Variants in SPON1 observed in about 807,000 individuals in gnomAD.
The protein encoded by SPON1 is spondin 1.
A neutral mutation model predicts 111.7 loss-of-function variants in SPON1; 52 were observed. The observed-to-expected ratio is 0.47, with a 90% CI of 0.37 to 0.59. The LOEUF (loss-of-function observed/expected upper bound fraction) is 0.59, where lower values mean the gene tolerates loss of function less well. Among genes scored for constraint, SPON1 ranks in the 20% least tolerant of loss-of-function variants. SPON1 has a pLI of 0.00. For missense variants in SPON1, 957 were observed against 1,068.5 expected, an observed-to-expected ratio of 0.90 and a Z score of 1.46; for synonymous variants, 410 against 395.8, an observed-to-expected ratio of 1.04 and a Z score of -0.43.
At chr11:14,172,328 TG>T in intron 6 of SPON1, among the ~76,000 whole-genome samples, 1 of 152,038 alleles carries the variant, frequency 6.6e-6, no homozygotes, top group Admixed American at 6.6e-5. Context: ...TGCCTTTTTT[TG>T]TTTTCCATTT....
intron 6 of SPON1, among the ~76,000 whole-genome samples, chr11:14,219,720 A>T (rs1848660916): frequency 6.6e-6 from 1 of 152,158 alleles, no homozygotes; most frequent in Non-Finnish European, 1.5e-5. Flanking sequence ...AGATGACATG[A>T]TGTGTTTATC....
chr11:14,147,365 C>T (rs1271437775), intron 6 of SPON1, among the ~76,000 whole-genome samples: 2 of 151,706 alleles, frequency 1.3e-5, no homozygotes, highest in Non-Finnish European at 2.9e-5. Context: ...AACAAAGCTT[C>T]TTCCAAGCAC....
chr11:14,222,085 C>T (rs1243173894), intron 6 of SPON1, among the ~76,000 whole-genome samples: 1 of 152,216 alleles, frequency 6.6e-6, no homozygotes, highest in African/African-American at 2.4e-5. Flanking sequence ...AACTCAATGA[C>T]AGGTGATACA....
intron 6 of SPON1, among the ~76,000 whole-genome samples, chr11:14,227,155 G>A (rs906230997): frequency 4.6e-5 from 7 of 152,022 alleles, no homozygotes; most frequent in East Asian, 3.9e-4. Context: ...GGCAATATTC[G>A]TTTCATTCAT....
intron 6 of SPON1, among the ~76,000 whole-genome samples, chr11:14,160,735 A>ATT (rs1554930985): frequency 0.033 from 223 of 6,684 alleles, 40 homozygotes; most frequent in African/African-American, 0.14. Flanking sequence ...ATTTATATAT[A>ATT]TTTAATTTAT....
At chr11:14,179,382 G>A (rs1194278499) in intron 6 of SPON1, among the ~76,000 whole-genome samples, 2 of 152,128 alleles carry the variant, frequency 1.3e-5, no homozygotes, top group Non-Finnish European at 2.9e-5. Flanking sequence ...ACATTCTTGG[G>A]ATTTTACAGA....
chr11:14,240,862 T>C (rs1442952490), intron 6 of SPON1, among the ~76,000 whole-genome samples: 3 of 152,164 alleles, frequency 2.0e-5, no homozygotes, highest in Non-Finnish European at 4.4e-5. Context: ...TTTTTCTAAG[T>C]CTTGACCTGG....
intron 6 of SPON1, among the ~76,000 whole-genome samples, chr11:14,148,488 C>A (rs1847750169): frequency 6.6e-6 from 1 of 151,954 alleles, no homozygotes; most frequent in Non-Finnish European, 1.5e-5. Context: ...AAAAAATAAG[C>A]CAACCAACCA....
intron 5 of SPON1, among the ~76,000 whole-genome samples, chr11:14,081,639 GTCTGTTTTGT>G (rs538305513): frequency 2.6e-3 from 396 of 152,088 alleles, no homozygotes; most frequent in Non-Finnish European, 4.3e-3. Context: ...TCTGTTCATT[GTCTGTTTTGT>G]TCTTGTGCAT....
intron 5 of SPON1, among the ~76,000 whole-genome samples, chr11:14,107,823 A>G (rs1419340232): frequency 1.3e-5 from 2 of 152,150 alleles, no homozygotes; most frequent in African/African-American, 4.8e-5. Flanking sequence ...AGAGTAGCCA[A>G]TGGTCAGCAC....
At chr11:14,045,737 G>A (rs1402585990) in intron 3 of SPON1, among the ~76,000 whole-genome samples, 3 of 150,806 alleles carry the variant, frequency 2.0e-5, no homozygotes, top group African/African-American at 7.3e-5. Context: ...ACATATTTAT[G>A]TTTAAAATTG....
At chr11:14,224,417 G>A (rs1217572757) in intron 6 of SPON1, among the ~76,000 whole-genome samples, 1 of 151,978 alleles carries the variant, frequency 6.6e-6, no homozygotes, top group Non-Finnish European at 1.5e-5. Flanking sequence ...AAAGGGAGAT[G>A]GTAGTTTATG....
intron 5 of SPON1, among the ~76,000 whole-genome samples, chr11:14,092,602 C>T (rs920360251): frequency 1.3e-5 from 2 of 152,096 alleles, no homozygotes; most frequent in South Asian, 2.1e-4. Flanking sequence ...CATTGGAGCA[C>T]AGTGTTCTCT....
intron 8 of SPON1, 64 bp downstream of exon 8, chr11:14,254,793 C>A: frequency 6.6e-7 from 1 of 1,504,934 alleles, no homozygotes; most frequent in Non-Finnish European, 9.2e-7. Flanking sequence ...GTGTCCTGGA[C>A]ACAGAGGGGA....
intron 2 of SPON1, among the ~76,000 whole-genome samples, chr11:13,994,965 G>A (rs940514225): frequency 1.3e-5 from 2 of 152,148 alleles, no homozygotes; most frequent in Non-Finnish European, 2.9e-5. Flanking sequence ...AAAATATACA[G>A]TGTTTTCTTT....
At chr11:14,129,216 T>G (rs1417655773) in intron 5 of SPON1, among the ~76,000 whole-genome samples, 1 of 152,208 alleles carries the variant, frequency 6.6e-6, no homozygotes, top group Non-Finnish European at 1.5e-5. Context: ...TTTCCAAACT[T>G]TTATGCCCTG....
At chr11:14,032,153 G>T (rs1554916132) in intron 2 of SPON1, among the ~76,000 whole-genome samples, 1 of 152,130 alleles carries the variant, frequency 6.6e-6, no homozygotes. Flanking sequence ...TTCGTGATAT[G>T]GTGTGAAATG....
intron 7 of SPON1, among the ~76,000 whole-genome samples, chr11:14,244,049 G>T (rs1848960402): frequency 6.6e-6 from 1 of 152,192 alleles, no homozygotes; most frequent in African/African-American, 2.4e-5. Context: ...AGTACAGTGA[G>T]TGTCAAAACC....
intron 3 of SPON1, among the ~76,000 whole-genome samples, chr11:14,070,177 T>C (rs1315247809): frequency 2.0e-5 from 3 of 152,180 alleles, no homozygotes; most frequent in Non-Finnish European, 4.4e-5. Flanking sequence ...AATTTTTTCA[T>C]TGGTAGATGG....
Sources: allele counts gnomAD v4.1 joint callset (sites outside exome capture counted in the v4.1 genomes callset), GRCh38; gene constraint gnomAD v4.1.1; transcripts MANE v1.5; gene names NCBI Gene and HGNC (gene_info 2026-07-23, HGNC 2026-07-21).